The following EYS variants were observed in gnomAD, a reference collection of about 807,000 sequenced individuals.
EYS encodes the protein EGF-like photoreceptor maintenance factor.
Under a neutral mutation model 282.1 loss-of-function variants are expected in EYS, and 250 were observed. The observed-to-expected ratio is 0.89, with a 90% confidence interval of 0.80 to 0.98. The LOEUF (loss-of-function observed/expected upper bound fraction) is 0.98, where lower values mean the gene tolerates loss of function less well. Among genes scored for constraint, EYS ranks in the 50% least tolerant of loss-of-function variants. EYS has a pLI of 0.00. For synonymous variants in EYS, 1,355 were observed against 1,282.9 expected, an observed-to-expected ratio of 1.06 and a Z score of -1.20; for missense variants, 4,016 against 3,709.0, an observed-to-expected ratio of 1.08 and a Z score of -2.15.
intron 35 of EYS, among the ~76,000 whole-genome samples, chr6:63,878,486 C>T (rs1425555935): frequency 6.6e-6 from 1 of 152,208 alleles, no homozygotes; most frequent in Non-Finnish European, 1.5e-5. Context: ...CTCGGAGAAC[C>T]ACTACTCTCT....
chr6:65,233,939 C>T (rs559935487), intron 12 of EYS, among the ~76,000 whole-genome samples: 1 of 152,234 alleles, frequency 6.6e-6, no homozygotes, highest in East Asian at 1.9e-4. Flanking sequence ...AGCACATGCA[C>T]ACAGCCTTCC....
chr6:63,837,675 T>C (rs1771843580), intron 36 of EYS, among the ~76,000 whole-genome samples: 1 of 152,144 alleles, frequency 6.6e-6, no homozygotes, highest in African/African-American at 2.4e-5. Context: ...AGTGAATTTA[T>C]TGTGGTTTCA....
At chr6:65,091,271 T>TAAAAAAA (rs397887871) in intron 12 of EYS, among the ~76,000 whole-genome samples, 4 of 56,414 alleles carry the variant, frequency 7.1e-5, no homozygotes, top group Admixed American at 2.2e-4. Context: ...CCATCTCCCC[T>TAAAAAAA]AAAAAAAAAA....
intron 32 of EYS, among the ~76,000 whole-genome samples, chr6:64,078,791 T>C (rs1771857372): frequency 6.6e-6 from 1 of 152,088 alleles, no homozygotes; most frequent in Admixed American, 6.6e-5. Context: ...TATGGCACTA[T>C]CATCAGCTTG....
intron 12 of EYS, among the ~76,000 whole-genome samples, chr6:65,094,456 G>T (rs553751117): frequency 6.6e-6 from 1 of 151,152 alleles, no homozygotes; most frequent in Non-Finnish European, 1.5e-5. Context: ...ATAATCTTTG[G>T]AACAGATCAC....
At chr6:64,853,270 G>A (rs1479080405) in intron 19 of EYS, among the ~76,000 whole-genome samples, 1 of 152,054 alleles carries the variant, frequency 6.6e-6, no homozygotes, top group Non-Finnish European at 1.5e-5. Context: ...ATGTGACATG[G>A]TATACTAATG....
At chr6:65,535,961 A>T (rs1183996162) in intron 2 of EYS, among the ~76,000 whole-genome samples, 1 of 152,144 alleles carries the variant, frequency 6.6e-6, no homozygotes, top group African/African-American at 2.4e-5. Context: ...GAGTGGAAAC[A>T]GTGCTATCAA....
At chr6:65,029,407 A>T (rs1416046492) in intron 13 of EYS, among the ~76,000 whole-genome samples, 4 of 152,222 alleles carry the variant, frequency 2.6e-5, no homozygotes, top group African/African-American at 7.2e-5. Flanking sequence ...AATTATATAA[A>T]TACACATGCA....
chr6:63,734,922 T>C (rs1223373553), intron 41 of EYS, among the ~76,000 whole-genome samples: 1 of 152,116 alleles, frequency 6.6e-6, no homozygotes, highest in African/African-American at 2.4e-5. Context: ...ATCATGGACA[T>C]AGACATAGCA....
At chr6:64,763,747 TA>T (rs1227368629) in intron 22 of EYS, among the ~76,000 whole-genome samples, 1 of 151,948 alleles carries the variant, frequency 6.6e-6, no homozygotes, top group African/African-American at 2.4e-5. Context: ...GCCTATAAAA[TA>T]AAAAACAAGT....
chr6:63,765,603 T>C (rs1394359878), intron 40 of EYS, among the ~76,000 whole-genome samples: 1 of 151,890 alleles, frequency 6.6e-6, no homozygotes, highest in Non-Finnish European at 1.5e-5. Flanking sequence ...TCATGGAAAA[T>C]AGGGTATCCA....
intron 22 of EYS, among the ~76,000 whole-genome samples, chr6:64,721,043 A>C (rs557485994): frequency 1.3e-5 from 2 of 152,154 alleles, no homozygotes; most frequent in African/African-American, 4.8e-5. Flanking sequence ...TCCAACTTAC[A>C]CTTTTATTCT....
chr6:64,696,134 T>G (rs1441007792), intron 22 of EYS, among the ~76,000 whole-genome samples: 1 of 152,042 alleles, frequency 6.6e-6, no homozygotes, highest in East Asian at 1.9e-4. Context: ...AGGATATGAA[T>G]GAGAAATGTA....
At chr6:65,251,699 C>T (rs1416587206) in intron 12 of EYS, among the ~76,000 whole-genome samples, 2 of 151,968 alleles carry the variant, frequency 1.3e-5, no homozygotes, top group East Asian at 3.9e-4. Context: ...GTGAATTTAC[C>T]ATTTTTTCCC....
intron 30 of EYS, among the ~76,000 whole-genome samples, chr6:64,247,621 G>A (rs1767060915): frequency 6.6e-6 from 1 of 152,068 alleles, no homozygotes; most frequent in South Asian, 2.1e-4. Flanking sequence ...CTTTGAAGGA[G>A]AATTCAGTTT....
intron 14 of EYS, among the ~76,000 whole-genome samples, chr6:64,966,141 T>G (rs1389917213): frequency 6.6e-6 from 1 of 152,146 alleles, no homozygotes. Context: ...TATGAGTGAA[T>G]TATTTGTTAT....
At chr6:64,223,627 T>C (rs978204089) in intron 31 of EYS, among the ~76,000 whole-genome samples, 15 of 152,072 alleles carry the variant, frequency 9.9e-5, no homozygotes, top group Non-Finnish European at 1.8e-4. Flanking sequence ...TGAACATTGT[T>C]TCTGCACCTC....
At chr6:63,776,448 T>C (rs1770067050) in intron 40 of EYS, among the ~76,000 whole-genome samples, 1 of 152,158 alleles carries the variant, frequency 6.6e-6, no homozygotes, top group African/African-American at 2.4e-5. Context: ...CTCGAATTAC[T>C]CACAGTCTCT....
At chr6:65,637,016 C>T (rs1438081832) in intron 2 of EYS, among the ~76,000 whole-genome samples, 6 of 152,088 alleles carry the variant, frequency 3.9e-5, no homozygotes, top group Non-Finnish European at 7.4e-5. Flanking sequence ...ATGGCATCCC[C>T]CTATGTTGTG....
Sources: allele counts gnomAD v4.1 joint callset (sites outside exome capture counted in the v4.1 genomes callset), GRCh38; gene constraint gnomAD v4.1.1; transcripts MANE v1.5; gene names NCBI Gene and HGNC (gene_info 2026-07-23, HGNC 2026-07-21).